Variants in ARL15 observed in about 807,000 individuals in gnomAD.
ARL15 encodes the protein ARF like GTPase 15.
ARL15 carries 19 observed loss-of-function variants against 25.2 expected under a neutral mutation model. That is an observed-to-expected ratio of 0.75 (90% CI 0.53 to 1.10). The LOEUF (loss-of-function observed/expected upper bound fraction) is 1.10, where lower values mean the gene tolerates loss of function less well. Ranked by LOEUF, ARL15 falls within the 50% of genes least tolerant of loss-of-function variation. The pLI, the probability that ARL15 is intolerant of heterozygous loss-of-function variation, is 0.00. For missense variants in ARL15, 220 were observed against 246.0 expected (o/e 0.89, Z 0.71); for synonymous variants, 94 against 86.8 (o/e 1.08, Z -0.46).
At chr5:54,073,046 T>C (rs1049039659) in intron 4 of ARL15, among the ~76,000 whole-genome samples, 3 of 152,184 alleles carry the variant, frequency 2.0e-5, no homozygotes, top group African/African-American at 7.2e-5. Flanking sequence ...TTTTGAGAAG[T>C]TGTTAAAACT....
At chr5:54,169,562 G>A (rs565290710) in intron 2 of ARL15, among the ~76,000 whole-genome samples, 1 of 152,268 alleles carries the variant, frequency 6.6e-6, no homozygotes, top group Non-Finnish European at 1.5e-5. Flanking sequence ...GCTGTTATAA[G>A]GCTAACAGAA....
intron 4 of ARL15, among the ~76,000 whole-genome samples, chr5:53,903,451 TGTGGCTAA>T: frequency 6.6e-6 from 1 of 152,080 alleles, no homozygotes; most frequent in East Asian, 1.9e-4. Context: ...GCCAGGGAGA[TGTGGCTAA>T]CATCCTCCAA....
intron 3 of ARL15, among the ~76,000 whole-genome samples, chr5:54,132,335 A>C (rs1015945915): frequency 1.3e-5 from 2 of 152,094 alleles, no homozygotes; most frequent in Admixed American, 1.3e-4. Flanking sequence ...TAAACATTTT[A>C]ATCTTTCCAA....
intron 4 of ARL15, among the ~76,000 whole-genome samples, chr5:54,057,707 T>C (rs953868792): frequency 1.3e-5 from 2 of 151,970 alleles, no homozygotes; most frequent in Non-Finnish European, 2.9e-5. Context: ...TAGCTAGGCA[T>C]GGTGGCATGC....
intron 2 of ARL15, among the ~76,000 whole-genome samples, chr5:54,166,554 TAG>T (rs1754574360): frequency 6.6e-6 from 1 of 152,072 alleles, no homozygotes; most frequent in Non-Finnish European, 1.5e-5. Flanking sequence ...TCTGTAGGTG[TAG>T]AGTTTTCTTC....
intron 4 of ARL15, among the ~76,000 whole-genome samples, chr5:54,059,952 T>G (rs72750234): frequency 0.098 from 14,850 of 151,954 alleles, 951 homozygotes; most frequent in Non-Finnish European, 0.15. Context: ...TTGGTGATAA[T>G]GAATATAAAT....
chr5:54,251,950 G>C (rs1210329175), intron 1 of ARL15, among the ~76,000 whole-genome samples: 1 of 152,216 alleles, frequency 6.6e-6, no homozygotes, highest in Non-Finnish European at 1.5e-5. Flanking sequence ...GTCAATCAAA[G>C]TTGACAACCA....
chr5:54,222,862 C>A lies in ARL15; in HGVS notation c.49-50934G>T, dbSNP rs185326080. 3.3e-5 allele frequency among the ~76,000 whole-genome samples: 5 copies of A among 152,228 alleles called. No individual in the cohort carries two copies. The East Asian group carries it at 7.7e-4, about 24-fold the overall frequency. ...TTTTTGAGACGGAGTCTCACTCTGT[C>A]GCCCAAGAGTGCAGTGGCACAATCT... On this transcript the variant is annotated intron_variant, in intron 1 of 4. Transcript: ENST00000504924.
chr5:54,212,064 G>T (rs1248080087), intron 1 of ARL15, among the ~76,000 whole-genome samples: 1 of 152,124 alleles, frequency 6.6e-6, no homozygotes, highest in East Asian at 1.9e-4. Flanking sequence ...GGGCCAGAGA[G>T]TAAATATTTA....
At chr5:54,255,124 C>CTT (rs755568320) in intron 1 of ARL15, among the ~76,000 whole-genome samples, 6 of 152,146 alleles carry the variant, frequency 3.9e-5, no homozygotes, top group Non-Finnish European at 7.3e-5. Context: ...ATTCCAGGAA[C>CTT]TTATGTTCCC....
At chr5:54,044,632 A>G (rs1261243799) in intron 4 of ARL15, among the ~76,000 whole-genome samples, 1 of 152,202 alleles carries the variant, frequency 6.6e-6, no homozygotes, top group Non-Finnish European at 1.5e-5. Context: ...TATCTCTCAT[A>G]CATAATATTT....
chr5:54,113,500 T>C (rs1752804890), intron 3 of ARL15, 90 bp from the exon 4 acceptor site: 1 of 1,232,110 alleles, frequency 8.1e-7, no homozygotes, highest in East Asian at 2.4e-5. Flanking sequence ...GAAACCAATG[T>C]ACCTTTTAAA....
chr5:54,109,643 A>G (rs1458949465), intron 4 of ARL15, among the ~76,000 whole-genome samples: 3 of 152,030 alleles, frequency 2.0e-5, no homozygotes, highest in African/African-American at 7.2e-5. Context: ...CAAATTAGTT[A>G]CAATTACAAT....
rs147960265 is a variant in ARL15 at position 54,303,712 on chromosome 5, G to A, written c.48+6720C>T. On this transcript the variant is annotated intron_variant, in intron 1 of 4. Coordinates refer to ENST00000504924, the MANE Select transcript of ARL15 (RefSeq NM_019087.3). ...AGGAAAAAAAGAAGAAAGAGGAGGA[G>A]AGGAAAAAAAGAAGAAAAAGGAGAG... Among the ~76,000 whole-genome samples the A allele has an allele frequency of 6.6e-3, 873 of 132,606 alleles. 12 individuals are homozygous for A. The highest frequency in any genetic ancestry group is 0.023 in the African/African-American group (806 of 35,360). 87.0% of individuals were successfully genotyped at this position (132,606 alleles called of 152,430 possible). A position where few individuals can be genotyped will look rare whatever the true frequency, so the allele number is the denominator to read the frequency against.
chr5:54,256,154 G>C (rs907665975), intron 1 of ARL15, among the ~76,000 whole-genome samples: 8 of 151,676 alleles, frequency 5.3e-5, no homozygotes, highest in Non-Finnish European at 1.0e-4. Context: ...AAAACTGATA[G>C]ACCATTAGCT....
intron 4 of ARL15, among the ~76,000 whole-genome samples, chr5:53,919,904 C>T (rs1456879254): frequency 1.3e-5 from 2 of 152,054 alleles, no homozygotes; most frequent in African/African-American, 2.4e-5. Flanking sequence ...AATCTTGAAC[C>T]GACGAGTCAG....
intron 3 of ARL15, among the ~76,000 whole-genome samples, chr5:54,150,187 T>C (rs574622392): frequency 1.3e-5 from 2 of 152,206 alleles, no homozygotes; most frequent in Non-Finnish European, 2.9e-5. Context: ...ATGTAATACA[T>C]GCTCAGTAAA....
intron 4 of ARL15, among the ~76,000 whole-genome samples, chr5:54,065,844 TTAAA>T (rs1341265593): frequency 1.4e-5 from 2 of 141,386 alleles, no homozygotes; most frequent in Non-Finnish European, 3.0e-5. Flanking sequence ...ATGTTATGAG[TTAAA>T]TAAAATGCAA....
At chr5:54,240,533 T>A (rs143109906) in intron 1 of ARL15, among the ~76,000 whole-genome samples, 39 of 152,260 alleles carry the variant, frequency 2.6e-4, no homozygotes, top group African/African-American at 9.4e-4. Context: ...TAACATACTG[T>A]ATTGCAAGTG....
Sources: gnomAD v4.1 joint callset for allele counts (sites outside exome capture counted in the v4.1 genomes callset) on GRCh38, gnomAD v4.1.1 for gene constraint, MANE v1.5 for transcripts, NCBI Gene and HGNC (gene_info 2026-07-23, HGNC 2026-07-21) for gene names.